Variants in RBFOX1 observed in about 807,000 individuals in gnomAD.
RBFOX1 encodes the protein RNA binding protein fox-1 homolog 1.
In RBFOX1, 8 loss-of-function variants were observed where a neutral mutation model predicts 57.7. The observed-to-expected ratio is 0.14, with a 90% CI of 0.08 to 0.25. RBFOX1 has a LOEUF of 0.25. Among genes scored for constraint, RBFOX1 ranks in the 10% least tolerant of loss-of-function variants. RBFOX1 has a pLI of 1.00. For synonymous variants in RBFOX1, 326 were observed against 222.4 expected (o/e 1.47, Z -4.15); for missense variants, 611 against 548.5 (o/e 1.11, Z -1.14).
intron 2 of RBFOX1, among the ~76,000 whole-genome samples, chr16:6,320,108 T>C (rs903109113): frequency 2.6e-5 from 4 of 152,044 alleles, no homozygotes; most frequent in Non-Finnish European, 5.9e-5. Flanking sequence ...TGGGAGGAGG[T>C]TGAGGGTACA....
chr16:7,187,879 A>C (rs558884333), intron 4 of RBFOX1, among the ~76,000 whole-genome samples: 1 of 152,124 alleles, frequency 6.6e-6, no homozygotes, highest in East Asian at 1.9e-4. Flanking sequence ...ATATTGGAAA[A>C]TGTTCACCAT....
At chr16:7,231,823 T>A (rs2093511350) in intron 4 of RBFOX1, among the ~76,000 whole-genome samples, 1 of 152,186 alleles carries the variant, frequency 6.6e-6, no homozygotes, top group Non-Finnish European at 1.5e-5. Flanking sequence ...ATTATGTGAT[T>A]TCCTTCACCT....
chr16:7,603,922 G>A (rs895402279), intron 9 of RBFOX1, among the ~76,000 whole-genome samples: 2 of 152,110 alleles, frequency 1.3e-5, no homozygotes, highest in East Asian at 1.9e-4. Flanking sequence ...AGAATGGACA[G>A]GGGGAAGGAG....
intron 1 of RBFOX1, among the ~76,000 whole-genome samples, chr16:5,320,856 G>C (rs1439470183): frequency 6.6e-6 from 1 of 152,184 alleles, no homozygotes; most frequent in African/African-American, 2.4e-5. Flanking sequence ...TCTGGGCTGT[G>C]TGTGCGCAGC....
intron 2 of RBFOX1, among the ~76,000 whole-genome samples, chr16:6,479,144 A>G (rs1242304503): frequency 1.3e-5 from 2 of 152,210 alleles, no homozygotes; most frequent in Non-Finnish European, 2.9e-5. Context: ...TTCATACTGT[A>G]TTAGTCCGTT....
chr16:5,537,512 G>A (rs1332436975), intron 2 of RBFOX1, among the ~76,000 whole-genome samples: 1 of 152,214 alleles, frequency 6.6e-6, no homozygotes, highest in East Asian at 1.9e-4. Flanking sequence ...ACTGGAGGCT[G>A]GAGGGGGGAA....
At chr16:7,316,943 A>C (rs2096453098) in intron 4 of RBFOX1, among the ~76,000 whole-genome samples, 1 of 145,884 alleles carries the variant, frequency 6.9e-6, no homozygotes, top group South Asian at 2.2e-4. Context: ...ATTTTTTGCC[A>C]AGACGAATGA....
intron 4 of RBFOX1, among the ~76,000 whole-genome samples, chr16:7,317,521 C>G (rs1451230539): frequency 6.6e-6 from 1 of 152,166 alleles, no homozygotes; most frequent in African/African-American, 2.4e-5. Context: ...AGCAACTGGT[C>G]TCATGTATGA....
At chr16:7,491,305 A>G (rs138484123) in intron 4 of RBFOX1, among the ~76,000 whole-genome samples, 1 of 151,458 alleles carries the variant, frequency 6.6e-6, no homozygotes, top group Non-Finnish European at 1.5e-5. Flanking sequence ...TTGCTTTGCT[A>G]TTTAATGCAA....
chr16:7,293,596 A>G (rs1007832627), intron 4 of RBFOX1, among the ~76,000 whole-genome samples: 1 of 152,138 alleles, frequency 6.6e-6, no homozygotes, highest in Non-Finnish European at 1.5e-5. Context: ...CGCAGGCCAG[A>G]TGAGGTTGTG....
At chr16:5,620,934 G>A (rs987964666) in intron 3 of RBFOX1, among the ~76,000 whole-genome samples, 1 of 151,694 alleles carries the variant, frequency 6.6e-6, no homozygotes, top group African/African-American at 2.4e-5. Flanking sequence ...TCCGCCTCCC[G>A]GGTTCCTGCC....
intron 1 of RBFOX1, among the ~76,000 whole-genome samples, chr16:6,299,483 C>G (rs533322542): frequency 1.1e-4 from 16 of 152,102 alleles, no homozygotes; most frequent in Non-Finnish European, 1.8e-4. Flanking sequence ...AAGGTCACAG[C>G]GCCAGCACAT....
chr16:6,585,639 A>C (rs2097599379), intron 2 of RBFOX1, among the ~76,000 whole-genome samples: 1 of 151,602 alleles, frequency 6.6e-6, no homozygotes, highest in Non-Finnish European at 1.5e-5. Flanking sequence ...AATGACATAG[A>C]CTCTTTCTGT....
chr16:6,152,062 A>G (rs751262537), intron 1 of RBFOX1, among the ~76,000 whole-genome samples: 4 of 152,216 alleles, frequency 2.6e-5, no homozygotes, highest in Admixed American at 1.3e-4. Context: ...AATATCCTTT[A>G]TGGTTTTCCT....
Position 5,916,351 on chromosome 16 carries a change from T to C in RBFOX1, c.351+49016T>C, listed in dbSNP as rs112670716. On this transcript the variant is annotated intron_variant, in intron 4 of 19. Transcript: ENST00000641259. ...GTTTTTGTCTTACTGTCTATCAGCT[T>C]GTATTAATTCTCGGTTTCACCTTCC... Among the ~76,000 whole-genome samples the C allele has an allele frequency of 1.9e-3, 294 of 152,302 alleles. 2 individuals are homozygous for C. Among genetic ancestry groups the C allele is most frequent in the African/African-American group, 6.6e-3 (276 of 41,568 alleles).
chr16:5,497,710 C>T (rs575344851), intron 2 of RBFOX1, among the ~76,000 whole-genome samples: 2 of 151,772 alleles, frequency 1.3e-5, no homozygotes, highest in Non-Finnish European at 2.9e-5. Context: ...ACCCAAGAGG[C>T]AGAGGTCGCA....
At chr16:6,740,951 A>G (rs1430571234) in intron 3 of RBFOX1, among the ~76,000 whole-genome samples, 1 of 152,228 alleles carries the variant, frequency 6.6e-6, no homozygotes, top group East Asian at 1.9e-4. Context: ...GGGACAAACC[A>G]GTCTACCTAG....
chr16:7,406,321 G>A, intron 4 of RBFOX1, among the ~76,000 whole-genome samples: 1 of 152,150 alleles, frequency 6.6e-6, no homozygotes. Context: ...AAATAATGTT[G>A]AGTGGGATTA....
chr16:7,563,894 C>A lies in RBFOX1; in HGVS notation c.271-15883C>A, dbSNP rs531106287. Among the ~76,000 whole-genome samples, 7 of 152,272 alleles carry A rather than the reference C, an allele frequency of 4.6e-5. No individual in the cohort carries two copies. In the East Asian group the frequency reaches 1.4e-3, roughly 29 times the overall value. On this transcript the variant is annotated intron_variant, in intron 5 of 15. Transcript: ENST00000550418. ...CTGATAAGCAGACACCAACCTCCAA[C>A]CCTGCCCACTGTACCACCGGGGCCT... is the stretch of plus-strand genomic sequence containing the variant.
Sources: allele counts gnomAD v4.1 joint callset (sites outside exome capture counted in the v4.1 genomes callset), GRCh38; gene constraint gnomAD v4.1.1; transcripts MANE v1.5; gene names NCBI Gene and HGNC (gene_info 2026-07-23, HGNC 2026-07-21).